The following FKRP variants were observed in gnomAD, a reference collection of about 807,000 sequenced individuals.
FKRP encodes the protein ribitol 5-phosphate transferase FKRP.
In FKRP, 25 loss-of-function variants were observed where a neutral mutation model predicts 30.6. The ratio of observed to expected loss-of-function variants is 0.82; its 90% CI spans 0.60 to 1.14. FKRP has a LOEUF of 1.14. Among genes scored for constraint, FKRP ranks in the 50% most tolerant of loss-of-function variants. The pLI is 0.00. For missense variants in FKRP, 771 were observed against 727.8 expected, an observed-to-expected ratio of 1.06 and a Z score of -0.68; for synonymous variants, 358 against 342.5, an observed-to-expected ratio of 1.05 and a Z score of -0.50.
In FKRP at chr19:46,751,935, G is replaced by C. The variant is rs1053077958; in HGVS notation, c.-40+3270G>C. ...ATGGGAAGGTGACATTGGAGTGATG[G>C]GGGTGGGGGCCGGCGCAGTGGGGTG... On this transcript the variant is annotated intron_variant, in intron 3 of 3. Coordinates refer to ENST00000318584, the MANE Select transcript of FKRP (RefSeq NM_024301.5). 1.4e-4 allele frequency among the ~76,000 whole-genome samples: 21 copies of C among 152,136 alleles called. 1 individual carries two copies. The highest frequency in any genetic ancestry group is 1.5e-5 in the Non-Finnish European group (1 of 68,018).
intron 1 of FKRP, 123 bp from the exon 2 acceptor site, chr19:46,747,904 T>C (rs2054696026): frequency 6.6e-6 from 1 of 152,174 alleles, no homozygotes; most frequent in Admixed American, 6.5e-5. Flanking sequence ...GTGCCCGAGA[T>C]TATAGGACTT....
chr19:46,754,123 A>G (rs1294823936), intron 3 of FKRP: 1 of 152,004 alleles, frequency 6.6e-6, no homozygotes, highest in Non-Finnish European at 1.5e-5. Context: ...TGGCATGATC[A>G]TGGCTCACTG....
Position 46,756,601 on chromosome 19 carries a change from G to T in FKRP, c.1151G>T (p.Gly384Val). Residue 384 changes from glycine (G) to valine (V), a missense_variant, in exon 4 of 4, where the codon GGC becomes GTC. Gly to Val is a moderately radical substitution (Grantham distance 109, BLOSUM62 -3). Transcript: ENST00000318584. The surrounding 1 kb of genome is among the most constrained non-coding windows in gnomAD (Gnocchi z 6.6). ...NCEQLRGAEA[G>V]SVVDERGFVW... is the part of the protein sequence containing the mutation. ...GAGCAGCTGCGGGGGGCAGAGGCCG[G>T]CTCGGTGGTGGATGAGCGCGGCTTC... is the stretch of plus-strand genomic sequence containing the variant. 1 of 1,611,050 alleles carries T rather than the reference G, an allele frequency of 6.2e-7. No homozygotes were observed. The highest frequency in any genetic ancestry group is 8.5e-7 in the Non-Finnish European group (1 of 1,179,100).
rs28937904 is a variant in FKRP at position 46,756,663 on chromosome 19, G to A, written c.1213G>A (p.Val405Met). ...GGCGGTCGAGGGCGACTTTTTCCGC[G>A]TGCAGTACAGCGAAAGCAACCACTT... Reference protein sequence around the residue: ...EKAVEGDFFRVQYSESNHLHV... With the variant: ...EKAVEGDFFRMQYSESNHLHV... The change falls in exon 4 of 4, where the codon GTG becomes ATG. Residue 405 changes from valine to methionine, a missense_variant. Val to Met is a conservative substitution (Grantham distance 21). Transcript: ENST00000318584. This position sits in a 1 kb window ranked among gnomAD's most constrained non-coding sequence, Gnocchi z 6.6. The A allele has an allele frequency of 2.5e-6, 4 of 1,613,498 alleles. No individual in the cohort carries two copies. The highest frequency in any genetic ancestry group is 3.4e-6 in the Non-Finnish European group (4 of 1,179,840).
At position 46,755,829 on chromosome 19, in the gene FKRP, GC is replaced by G; in HGVS notation, c.382del (p.Leu128Ter). ...PETYVATEFV[A>X]LVPDGARAEA... ...GACCTACGTGGCCACCGAGTTTGTG[GC>G]CCTAGTACCTGATGGGGCGCGGGCT... On this transcript the variant is annotated frameshift_variant, in exon 4 of 4. Coordinates refer to ENST00000318584, the MANE Select transcript of FKRP (RefSeq NM_024301.5). LOFTEE classifies it high-confidence loss of function. 6.6e-7 allele frequency: 1 copy of G among 1,506,986 alleles called. No homozygotes were observed. The allele number at this position is 1,506,986 out of a possible 1,614,324, so 93.4% of individuals were successfully genotyped here. A position where few individuals can be genotyped will look rare whatever the true frequency, so the allele number is the denominator to read the frequency against.
intron 3 of FKRP, among the ~76,000 whole-genome samples, chr19:46,752,933 C>G (rs1182421594): frequency 6.6e-6 from 1 of 151,856 alleles, no homozygotes; most frequent in African/African-American, 2.4e-5. Flanking sequence ...TTCTGGAGGC[C>G]AAGGCAGGCA....
chr19:46,746,492 C>G, intron 1 of FKRP: 2 of 829,062 alleles, frequency 2.4e-6, no homozygotes, highest in Non-Finnish European at 2.8e-6. Context: ...GCCGCGCCAA[C>G]ACCCCCCCCC....
chr19:46,746,064 C>A lies in FKRP; in HGVS notation c.-279C>A. 8.2e-7 allele frequency: 1 copy of A among 1,212,744 alleles called. No individual in the cohort carries two copies. The highest frequency in any genetic ancestry group is 2.1e-5 in the South Asian group (1 of 48,186). The allele number at this position is 1,212,744 out of a possible 1,614,324, so 75.1% of individuals were successfully genotyped here. A position where few individuals can be genotyped will look rare whatever the true frequency, so the allele number is the denominator to read the frequency against. ...GCCGGCCGTCCCGGCGGCCATTGCT[C>A]CAAGATGGCGGCGGCGGCGGCAGCG... On this transcript the variant is annotated 5_prime_UTR_variant, in exon 1 of 4. Transcript: ENST00000318584.
chr19:46,755,818 C>T lies in FKRP; in HGVS notation c.368C>T (p.Thr123Ile). ...TCGCGCCCGGAGACCTACGTGGCCA[C>T]CGAGTTTGTGGCCCTAGTACCTGAT... is the stretch of plus-strand genomic sequence containing the variant. ...AASRPETYVA[T>I]EFVALVPDGA... The change falls in exon 4 of 4, where the codon ACC (threonine) becomes ATC (isoleucine). Residue 123 changes from threonine to isoleucine, a missense_variant. By Grantham distance (89) the Thr-to-Ile change is moderately conservative. Coordinates refer to ENST00000318584, the MANE Select transcript of FKRP (RefSeq NM_024301.5). The T allele has an allele frequency of 2.0e-6, 3 of 1,511,382 alleles. No homozygotes were observed. Among genetic ancestry groups the T allele is most frequent in the Non-Finnish European group, 2.6e-6 (3 of 1,132,518 alleles). The allele number at this position is 1,511,382 out of a possible 1,614,324, so 93.6% of individuals were successfully genotyped here. A position where few individuals can be genotyped will look rare whatever the true frequency, so the allele number is the denominator to read the frequency against.
chr19:46,756,558 G>A lies in FKRP; in HGVS notation c.1108G>A (p.Glu370Lys), dbSNP rs534932677. 6.2e-7 allele frequency: 1 copy of A among 1,607,578 alleles called. No individual in the cohort carries two copies. The highest frequency in any genetic ancestry group is 1.1e-5 in the South Asian group (1 of 89,810). Residue 370 changes from glutamate to lysine, a missense_variant, in exon 4 of 4, where the codon GAG (glutamate) becomes AAG (lysine). Transcript: ENST00000318584. The surrounding 1 kb of genome is among the most constrained non-coding windows in gnomAD (Gnocchi z 6.6). ...CGACGTGGACCTGGGCATCTACTTGGAGGACGTGGGCAACTGCGAGCAGCT... is the reference window on the plus strand; with the variant it reads ...CGACGTGGACCTGGGCATCTACTTGAAGGACGTGGGCAACTGCGAGCAGCT... Reference protein sequence around the residue: ...DYDVDLGIYLEDVGNCEQLRG... With the variant: ...DYDVDLGIYLKDVGNCEQLRG...
chr19:46,756,528 G>C lies in FKRP; in HGVS notation c.1078G>C (p.Asp360His), dbSNP rs770195088. 6 of 1,598,036 alleles carry C rather than the reference G, an allele frequency of 3.8e-6. No homozygotes were observed. The highest frequency in any genetic ancestry group is 4.3e-6 in the Non-Finnish European group (5 of 1,174,136). ...CCGCCACGGGGACATCATCCCATGG[G>C]ACTACGACGTGGACCTGGGCATCTA... is the stretch of plus-strand genomic sequence containing the variant. ...AARHGDIIPWDYDVDLGIYLE... is the reference protein window; with the variant it reads ...AARHGDIIPWHYDVDLGIYLE... Residue 360 changes from aspartate to histidine, a missense_variant, in exon 4 of 4, where the codon GAC becomes CAC. By Grantham distance (81) the Asp-to-His change is moderately conservative (BLOSUM62 -1). Transcript: ENST00000318584. This position sits in a 1 kb window ranked among gnomAD's most constrained non-coding sequence, Gnocchi z 6.6.
At chr19:46,752,982 A>G (rs2054822360) in intron 3 of FKRP, among the ~76,000 whole-genome samples, 1 of 151,842 alleles carries the variant, frequency 6.6e-6, no homozygotes, top group Non-Finnish European at 1.5e-5. Context: ...CCTGCCCAAC[A>G]TGGTGAAAAC....
Position 46,755,910 on chromosome 19 carries a change from C to G in FKRP, c.460C>G (p.Arg154Gly). The change falls in exon 4 of 4, where the codon CGT becomes GGT. Residue 154 changes from arginine to glycine, a missense_variant. Transcript: ENST00000318584. ...MVEALRAGSA[R>G]LVAAPVATAN... ...GGAGGCGCTCCGCGCAGGAAGCGCACGTCTGGTGGCCGCCCCGGTTGCCAC... is the reference window on the plus strand; with the variant it reads ...GGAGGCGCTCCGCGCAGGAAGCGCAGGTCTGGTGGCCGCCCCGGTTGCCAC... The G allele has an allele frequency of 6.6e-7, 1 of 1,525,826 alleles. No individual in the cohort carries two copies. The highest frequency in any genetic ancestry group is 8.8e-7 in the Non-Finnish European group (1 of 1,141,938). 94.5% of individuals were successfully genotyped at this position (1,525,826 alleles called of 1,614,324 possible). A position where few individuals can be genotyped will look rare whatever the true frequency, so the allele number is the denominator to read the frequency against.
chr19:46,748,291 C>T (rs529371486), intron 2 of FKRP, among the ~76,000 whole-genome samples: 13 of 152,252 alleles, frequency 8.5e-5, no homozygotes, highest in African/African-American at 3.1e-4. Flanking sequence ...GATTCTCCTG[C>T]CTCAGCCTCC....
intron 3 of FKRP, chr19:46,754,373 T>A (rs1349431958): frequency 6.9e-5 from 9 of 130,722 alleles, no homozygotes; most frequent in African/African-American, 1.8e-4. Context: ...TTTTTTTAAT[T>A]TTTATTTATT....
At chr19:46,753,585 C>A (rs994406170) in intron 3 of FKRP, among the ~76,000 whole-genome samples, 2 of 151,706 alleles carry the variant, frequency 1.3e-5, no homozygotes, top group Admixed American at 6.6e-5. Flanking sequence ...AGGGGAATGT[C>A]AGAAGCAGCT....
rs777793760 is a variant in FKRP, at chr19:46,755,536, A to G, written c.86A>G (p.His29Arg). ...CTCTTCTATGTCTCGTGGCTGCAGC[A>G]CCAGCCTAGGAATTCCCGGGCCCGG... ...LVLFYVSWLQ[H>R]QPRNSRARGP... The change falls in exon 4 of 4, where the codon CAC becomes CGC. Residue 29 changes from histidine (H) to arginine (R), a missense_variant. Physicochemically the swap from His to Arg is conservative, Grantham distance 29. Coordinates refer to ENST00000318584, the MANE Select transcript of FKRP (RefSeq NM_024301.5). 6.2e-7 allele frequency: 1 copy of G among 1,608,846 alleles called. No homozygotes were observed. The highest frequency in any genetic ancestry group is 1.7e-5 in the Admixed American group (1 of 59,608).
In FKRP at chr19:46,756,510, G is replaced by T; in HGVS notation, c.1060G>T (p.Gly354Trp). The T allele has an allele frequency of 1.3e-6, 2 of 1,584,440 alleles. No homozygotes were observed. Among genetic ancestry groups the T allele is most frequent in the Non-Finnish European group, 1.7e-6 (2 of 1,166,934 alleles). Residue 354 changes from glycine to tryptophan, a missense_variant, in exon 4 of 4, where the codon GGG (glycine) becomes TGG (tryptophan). Transcript: ENST00000318584. This position sits in a 1 kb window ranked among gnomAD's most constrained non-coding sequence, Gnocchi z 6.6. ...GGSLLGAARH[G>W]DIIPWDYDVD... ...CTCACTGCTGGGGGCCGCCCGCCAC[G>T]GGGACATCATCCCATGGGACTACGA... is the stretch of plus-strand genomic sequence containing the variant.
Position 46,756,441 on chromosome 19 carries a change from G to A in FKRP, c.991G>A (p.Gly331Ser). ...GCGCGAGACCGCCCGCTATGTGGTGGGCGTGCTGGAGGCTGCGGGCGTGCG... is the reference window on the plus strand; with the variant it reads ...GCGCGAGACCGCCCGCTATGTGGTGAGCGTGCTGGAGGCTGCGGGCGTGCG... The part of the protein sequence containing the change: ...ALRETARYVV[G>S]VLEAAGVRYW... The change falls in exon 4 of 4, where the codon GGC becomes AGC. Residue 331 changes from glycine to serine, a missense_variant. Coordinates refer to ENST00000318584, the MANE Select transcript of FKRP (RefSeq NM_024301.5). The surrounding 1 kb of genome is among the most constrained non-coding windows in gnomAD (Gnocchi z 6.6). The A allele has an allele frequency of 1.9e-6, 3 of 1,585,518 alleles. No homozygotes were observed. Among genetic ancestry groups the A allele is most frequent in the South Asian group, 1.1e-5 (1 of 87,638 alleles).
Sources: allele counts gnomAD v4.1 joint callset (sites outside exome capture counted in the v4.1 genomes callset), GRCh38; gene constraint gnomAD v4.1.1; non-coding constraint Gnocchi (gnomAD v3.1); transcripts MANE v1.5; gene names NCBI Gene and HGNC (gene_info 2026-07-23, HGNC 2026-07-21).